ALKBH3: variants seen among roughly 807,000 people sequenced by gnomAD.
ALKBH3 encodes the protein alkB homolog 3, alpha-ketoglutarate dependent dioxygenase.
A neutral mutation model predicts 43.9 loss-of-function variants in ALKBH3; 51 were observed. The observed-to-expected ratio is 1.16, with a 90% CI of 0.93 to 1.47. The LOEUF (loss-of-function observed/expected upper bound fraction) is 1.47. Among genes scored for constraint, ALKBH3 ranks in the 40% most tolerant of loss-of-function variants. The pLI is 0.00. For missense variants in ALKBH3, 361 were observed against 351.9 expected (o/e 1.03, Z -0.21); for synonymous variants, 102 against 115.2 (o/e 0.89, Z 0.73).
chr11:43,919,791 C>CT (rs1344908335), intron 9 of ALKBH3, 127 bp from the exon 10 acceptor site: 1 of 880,282 alleles, frequency 1.1e-6, no homozygotes, highest in Non-Finnish European at 1.8e-6. Flanking sequence ...CTTCAAAGAG[C>CT]TTACTACTCA....
At chr11:43,917,879 G>A (rs1257467595) in intron 8 of ALKBH3, among the ~76,000 whole-genome samples, 1 of 152,168 alleles carries the variant, frequency 6.6e-6, no homozygotes, top group Non-Finnish European at 1.5e-5. Flanking sequence ...TTATGACTAT[G>A]CTTGACAAAG....
chr11:43,893,052 A>G (rs1440903543), intron 7 of ALKBH3, among the ~76,000 whole-genome samples: 2 of 152,236 alleles, frequency 1.3e-5, no homozygotes, highest in African/African-American at 4.8e-5. Context: ...CCAGTCCAAC[A>G]TAGCCTGCTT....
Position 43,889,834 on chromosome 11 carries a change from T to C in ALKBH3, c.370+6T>C. On this transcript the variant is annotated splice_donor_region_variant and intron_variant, in intron 6 of 9. Coordinates refer to ENST00000302708, the MANE Select transcript of ALKBH3 (RefSeq NM_139178.4). ...GAGGACTGGCATCAGAGAGGGTAAG[T>C]AGATCCCAGAGGTCACAGTTGGTGC... 1 of 1,606,080 alleles carries C rather than the reference T, an allele frequency of 6.2e-7. No homozygotes were observed. The highest frequency in any genetic ancestry group is 1.1e-5 in the South Asian group (1 of 90,884).
At chr11:43,894,946 T>A (rs1222690982) in intron 7 of ALKBH3, among the ~76,000 whole-genome samples, 1 of 152,214 alleles carries the variant, frequency 6.6e-6, no homozygotes, top group Non-Finnish European at 1.5e-5. Flanking sequence ...TTCTTGAGTC[T>A]CCCCAGGTGT....
At chr11:43,887,884 G>T (rs1166979379) in intron 5 of ALKBH3, among the ~76,000 whole-genome samples, 1 of 151,660 alleles carries the variant, frequency 6.6e-6, no homozygotes, top group Admixed American at 6.6e-5. Context: ...CGCCTCCAGG[G>T]TTCACGCCAT....
chr11:43,899,671 A>G, intron 7 of ALKBH3: 2 of 393,684 alleles, frequency 5.1e-6, no homozygotes, highest in Non-Finnish European at 9.4e-6. Flanking sequence ...TCTCACCTCT[A>G]GAGAGCAAAT....
intron 8 of ALKBH3, among the ~76,000 whole-genome samples, chr11:43,902,840 G>A (rs956273080): frequency 5.3e-5 from 8 of 152,080 alleles, no homozygotes; most frequent in African/African-American, 1.2e-4. Flanking sequence ...CAGGTGATTC[G>A]CCCACCTCGG....
intron 7 of ALKBH3, among the ~76,000 whole-genome samples, chr11:43,896,203 A>G (rs1192065846): frequency 2.0e-5 from 3 of 152,114 alleles, no homozygotes; most frequent in Non-Finnish European, 4.4e-5. Flanking sequence ...CAAAAATTAG[A>G]ATTTTAGAAA....
chr11:43,911,189 G>T (rs558074269), intron 8 of ALKBH3, among the ~76,000 whole-genome samples: 3 of 152,208 alleles, frequency 2.0e-5, no homozygotes, highest in Non-Finnish European at 4.4e-5. Context: ...TGTAGTCATC[G>T]CAGTGGGAGA....
chr11:43,904,761 T>C (rs1208702161), intron 8 of ALKBH3, among the ~76,000 whole-genome samples: 1 of 152,216 alleles, frequency 6.6e-6, no homozygotes, highest in African/African-American at 2.4e-5. Context: ...TACTTTTCTT[T>C]ATAAACTCAG....
intron 5 of ALKBH3, among the ~76,000 whole-genome samples, chr11:43,889,003 G>A (rs1951764886): frequency 6.6e-6 from 1 of 152,194 alleles, no homozygotes; most frequent in African/African-American, 2.4e-5. Flanking sequence ...AAATAAAACA[G>A]GGCCAGGCAT....
At chr11:43,916,095 A>T (rs1951981589) in intron 8 of ALKBH3, among the ~76,000 whole-genome samples, 2 of 152,238 alleles carry the variant, frequency 1.3e-5, no homozygotes, top group African/African-American at 4.8e-5. Context: ...TTCTTTTAGG[A>T]CAAGAAAGGG....
intron 7 of ALKBH3, chr11:43,899,463 C>T (rs968692893): frequency 5.7e-6 from 4 of 702,716 alleles, no homozygotes; most frequent in Non-Finnish European, 1.1e-5. Context: ...TTCAGAGGTT[C>T]CATGACGAGC....
chr11:43,882,934 C>G, intron 2 of ALKBH3, 151 bp from the exon 3 acceptor site: 2 of 820,454 alleles, frequency 2.4e-6, no homozygotes, highest in Non-Finnish European at 3.8e-6. Flanking sequence ...TCCACACCCT[C>G]AAACCTTTCA....
intron 8 of ALKBH3, among the ~76,000 whole-genome samples, chr11:43,914,849 G>C (rs2135206310): frequency 6.6e-6 from 1 of 152,172 alleles, no homozygotes; most frequent in Admixed American, 6.5e-5. Context: ...AATGGACAAA[G>C]GACATGAACA....
rs745969101 is a variant in ALKBH3, at chr11:43,892,070, G to T, written c.400G>T (p.Ala134Ser). 5.6e-6 allele frequency: 9 copies of T among 1,613,336 alleles called. No homozygotes were observed. The highest frequency in any genetic ancestry group is 7.6e-6 in the Non-Finnish European group (9 of 1,179,414). The change falls in exon 7 of 10, where the codon GCA (alanine) becomes TCA (serine). Residue 134 changes from alanine to serine, a missense_variant. By Grantham distance (99) the Ala-to-Ser change is moderately conservative. Transcript: ENST00000302708. ...DITYQQPRLT[A>S]WYGELPYTYS... ...AACTTATCAGCAACCAAGACTTACA[G>T]CATGGTATGGAGAACTTCCTTACAC...
chr11:43,901,425 G>A (rs1951862996), intron 7 of ALKBH3, 91 bp from the exon 8 acceptor site: 8 of 1,484,656 alleles, frequency 5.4e-6, no homozygotes, highest in Non-Finnish European at 6.5e-6. Context: ...TAACTTGGCT[G>A]ATTTTGCCCT....
rs35203458 is a variant in ALKBH3, at chr11:43,890,819, G to A, written c.370+991G>A. The stretch of plus-strand genomic sequence containing the variant: ...GCAGAGGTTGCAGTGAGCCGAGATC[G>A]CGCCACTGCACTCCAGCCTGGTAAT... On this transcript the variant is annotated intron_variant, in intron 6 of 9. Coordinates refer to ENST00000302708, the MANE Select transcript of ALKBH3 (RefSeq NM_139178.4). Among the ~76,000 whole-genome samples the A allele has an allele frequency of 1.2e-3, 178 of 152,102 alleles. 1 individual carries two copies. The highest frequency in any genetic ancestry group is 3.8e-3 in the African/African-American group (157 of 41,506).
intron 8 of ALKBH3, among the ~76,000 whole-genome samples, chr11:43,916,007 T>C (rs1271826999): frequency 1.3e-5 from 2 of 152,282 alleles, no homozygotes; most frequent in East Asian, 1.9e-4. Flanking sequence ...AGTAAACTTA[T>C]GTTACTTTTT....
Sources: allele counts gnomAD v4.1 joint callset (sites outside exome capture counted in the v4.1 genomes callset), GRCh38; gene constraint gnomAD v4.1.1; transcripts MANE v1.5; gene names NCBI Gene and HGNC (gene_info 2026-07-23, HGNC 2026-07-21).